The following ASTN2 variants were observed in gnomAD, a reference collection of about 807,000 sequenced individuals.
ASTN2 encodes the protein astrotactin-2.
Under a neutral mutation model 139.8 loss-of-function variants are expected in ASTN2, and 54 were observed. The ratio of observed to expected loss-of-function variants is 0.39; its 90% CI spans 0.31 to 0.48. The LOEUF (loss-of-function observed/expected upper bound fraction) is 0.48. Among genes scored for constraint, ASTN2 ranks in the 20% least tolerant of loss-of-function variants. ASTN2 has a pLI of 0.95. For synonymous variants in ASTN2, 756 were observed against 719.5 expected (o/e 1.05, Z -0.81); for missense variants, 1,565 against 1,725.1 (o/e 0.91, Z 1.64).
intron 20 of ASTN2, among the ~76,000 whole-genome samples, chr9:116,447,204 T>C (rs1848026229): frequency 6.6e-6 from 1 of 152,166 alleles, no homozygotes; most frequent in African/African-American, 2.4e-5. Context: ...CTCCACCTTG[T>C]CCTTGAAGCA....
intron 3 of ASTN2, among the ~76,000 whole-genome samples, chr9:117,169,426 T>A (rs961159603): frequency 2.0e-5 from 3 of 152,148 alleles, no homozygotes; most frequent in African/African-American, 7.2e-5. Context: ...TTATTTATAG[T>A]GACTCTCTGC....
At chr9:117,332,215 T>C (rs565150955) in intron 1 of ASTN2, among the ~76,000 whole-genome samples, 1 of 152,348 alleles carries the variant, frequency 6.6e-6, no homozygotes, top group East Asian at 1.9e-4. Context: ...ATCTGCTCTG[T>C]CAGGCTTTAG....
At chr9:117,083,511 G>T (rs1350253722) in intron 5 of ASTN2, among the ~76,000 whole-genome samples, 2 of 152,164 alleles carry the variant, frequency 1.3e-5, no homozygotes, top group East Asian at 3.9e-4. Context: ...CATACAGAGG[G>T]TGCCCATGAC....
At chr9:116,719,847 C>T (rs1828423941) in intron 16 of ASTN2, among the ~76,000 whole-genome samples, 1 of 151,954 alleles carries the variant, frequency 6.6e-6, no homozygotes, top group South Asian at 2.1e-4. Context: ...ACAGAAAGTG[C>T]CTCACACAGG....
chr9:117,208,483 T>A (rs1311675637), intron 3 of ASTN2, among the ~76,000 whole-genome samples: 1 of 151,036 alleles, frequency 6.6e-6, no homozygotes, highest in Non-Finnish European at 1.5e-5. Context: ...AAAGAATAAA[T>A]AATACAAAAA....
chr9:116,627,061 A>G (rs1856503988), intron 17 of ASTN2, among the ~76,000 whole-genome samples: 1 of 152,248 alleles, frequency 6.6e-6, no homozygotes, highest in African/African-American at 2.4e-5. Flanking sequence ...ATCTAACCTG[A>G]CAGTGAGAAG....
chr9:116,663,693 G>A (rs971792910), intron 16 of ASTN2, among the ~76,000 whole-genome samples: 9 of 152,216 alleles, frequency 5.9e-5, no homozygotes, highest in African/African-American at 2.2e-4. Flanking sequence ...TTATATTGAG[G>A]CAATCAGTAA....
intron 3 of ASTN2, among the ~76,000 whole-genome samples, chr9:117,198,300 T>A (rs997174899): frequency 2.6e-5 from 4 of 152,178 alleles, no homozygotes; most frequent in African/African-American, 9.7e-5. Context: ...TCTTCCTATG[T>A]AAGTGTGCTG....
chr9:117,381,895 A>C (rs1162162857), intron 1 of ASTN2, among the ~76,000 whole-genome samples: 1 of 152,194 alleles, frequency 6.6e-6, no homozygotes, highest in Non-Finnish European at 1.5e-5. Context: ...AAATAAGGAT[A>C]GTGTTCTGGT....
At chr9:116,807,266 C>A (rs1011450169) in intron 12 of ASTN2, among the ~76,000 whole-genome samples, 1 of 152,166 alleles carries the variant, frequency 6.6e-6, no homozygotes, top group Non-Finnish European at 1.5e-5. Context: ...AGAAAATGTA[C>A]ACAGGTTGTG....
intron 8 of ASTN2, 95 bp from the exon 9 acceptor site, chr9:116,976,283 C>A (rs903772116): frequency 8.5e-6 from 8 of 945,570 alleles, no homozygotes; most frequent in Non-Finnish European, 1.2e-5. Context: ...TTACAAACAA[C>A]CAAACTCTGC....
At chr9:116,855,709 G>C (rs1832722233) in intron 11 of ASTN2, among the ~76,000 whole-genome samples, 1 of 152,164 alleles carries the variant, frequency 6.6e-6, no homozygotes. Flanking sequence ...GTTTGACAGA[G>C]TTTGGAGTTT....
chr9:116,781,932 C>G (rs1293099559), intron 13 of ASTN2, among the ~76,000 whole-genome samples: 2 of 152,114 alleles, frequency 1.3e-5, no homozygotes. Flanking sequence ...TCAGATACCT[C>G]GAGCAGCTTT....
intron 5 of ASTN2, among the ~76,000 whole-genome samples, chr9:117,040,945 C>G (rs1323844641): frequency 1.3e-5 from 2 of 152,160 alleles, no homozygotes; most frequent in African/African-American, 4.8e-5. Flanking sequence ...GAAGAATAAT[C>G]TTTCCTCTTC....
At chr9:116,922,588 C>A (rs1449446770) in intron 10 of ASTN2, among the ~76,000 whole-genome samples, 1 of 152,126 alleles carries the variant, frequency 6.6e-6, no homozygotes, top group African/African-American at 2.4e-5. Flanking sequence ...ATGTAAAAGT[C>A]CATTACTGGC....
chr9:116,660,148 G>A (rs1344667387), intron 16 of ASTN2, among the ~76,000 whole-genome samples: 1 of 146,164 alleles, frequency 6.8e-6, no homozygotes, highest in East Asian at 2.1e-4. Flanking sequence ...TGATGTATGT[G>A]TTGTGTTCAT....
intron 19 of ASTN2, among the ~76,000 whole-genome samples, chr9:116,505,445 C>T (rs530946266): frequency 6.6e-6 from 1 of 152,122 alleles, no homozygotes; most frequent in South Asian, 2.1e-4. Flanking sequence ...AAGGCAAAAC[C>T]AAACCAAAAC....
chr9:117,138,081 A>G (rs998429993), intron 4 of ASTN2, among the ~76,000 whole-genome samples: 1 of 152,198 alleles, frequency 6.6e-6, no homozygotes, highest in Non-Finnish European at 1.5e-5. Context: ...TTACTCAACT[A>G]ATATTTATTA....
At chr9:116,808,660 A>G (rs1474887520) in intron 12 of ASTN2, among the ~76,000 whole-genome samples, 1 of 152,120 alleles carries the variant, frequency 6.6e-6, no homozygotes, top group Non-Finnish European at 1.5e-5. Context: ...GTGCCCAACT[A>G]TGTGTTTCTA....
Sources: gnomAD v4.1 joint callset for allele counts (sites outside exome capture counted in the v4.1 genomes callset) on GRCh38, gnomAD v4.1.1 for gene constraint, MANE v1.5 for transcripts, NCBI Gene and HGNC (gene_info 2026-07-23, HGNC 2026-07-21) for gene names.